Variants in LRRC4C observed in about 807,000 individuals in gnomAD.
LRRC4C encodes the protein leucine-rich repeat-containing protein 4C.
A neutral mutation model predicts 33.6 loss-of-function variants in LRRC4C; 5 were observed. The observed-to-expected ratio is 0.15, with a 90% CI of 0.08 to 0.31. The LOEUF (loss-of-function observed/expected upper bound fraction) is 0.31, where lower values mean the gene tolerates loss of function less well. LRRC4C is among the 10% of genes least tolerant of loss of function. LRRC4C has a pLI of 1.00. For missense variants in LRRC4C, 560 were observed against 796.7 expected, an observed-to-expected ratio of 0.70 and a Z score of 3.58; for synonymous variants, 329 against 302.0, an observed-to-expected ratio of 1.09 and a Z score of -0.93.
chr11:41,311,427 C>T (rs1024013262), intron 1 of LRRC4C, among the ~76,000 whole-genome samples: 1 of 151,988 alleles, frequency 6.6e-6, no homozygotes, highest in Non-Finnish European at 1.5e-5. Flanking sequence ...AAAAAATGAA[C>T]ACAGTTTTAT....
intron 3 of LRRC4C, among the ~76,000 whole-genome samples, chr11:40,543,349 C>G (rs896268614): frequency 6.6e-6 from 1 of 152,030 alleles, no homozygotes; most frequent in Non-Finnish European, 1.5e-5. Context: ...TTTATAGTGC[C>G]TTCTGTTTCA....
At chr11:40,885,452 G>A (rs1439366867) in intron 2 of LRRC4C, among the ~76,000 whole-genome samples, 1 of 151,988 alleles carries the variant, frequency 6.6e-6, no homozygotes, top group Non-Finnish European at 1.5e-5. Context: ...TAGCATCAAA[G>A]GTCAAGGACC....
At chr11:40,471,336 G>A (rs1280831191) in intron 3 of LRRC4C, among the ~76,000 whole-genome samples, 2 of 152,250 alleles carry the variant, frequency 1.3e-5, no homozygotes, top group East Asian at 3.9e-4. Context: ...AGAAAATGCT[G>A]AGGGATTTTT....
At chr11:40,148,525 GTTAT>G (rs1200381394) in intron 5 of LRRC4C, among the ~76,000 whole-genome samples, 3 of 151,978 alleles carry the variant, frequency 2.0e-5, no homozygotes, top group Admixed American at 6.6e-5. Flanking sequence ...TTTTAACGGA[GTTAT>G]TTGTTATTTT....
chr11:40,923,184 AC>A (rs1424478912), intron 2 of LRRC4C, among the ~76,000 whole-genome samples: 1 of 152,218 alleles, frequency 6.6e-6, no homozygotes, highest in African/African-American at 2.4e-5. Flanking sequence ...ATTTACTTAA[AC>A]AAAAGGTCAT....
At chr11:40,600,150 G>C (rs1407346669) in intron 3 of LRRC4C, among the ~76,000 whole-genome samples, 2 of 152,194 alleles carry the variant, frequency 1.3e-5, no homozygotes, top group Non-Finnish European at 2.9e-5. Flanking sequence ...AGGGTGACTA[G>C]AGGATTGGAC....
At chr11:41,100,594 T>A (rs550109787) in intron 1 of LRRC4C, among the ~76,000 whole-genome samples, 2 of 151,580 alleles carry the variant, frequency 1.3e-5, no homozygotes, top group African/African-American at 2.4e-5. Flanking sequence ...ATAATAACAA[T>A]AATAATAAAA....
chr11:41,388,089 C>T (rs1462064976), intron 1 of LRRC4C, among the ~76,000 whole-genome samples: 2 of 151,668 alleles, frequency 1.3e-5, no homozygotes, highest in African/African-American at 2.4e-5. Flanking sequence ...AATTGTATAA[C>T]ACATACATTA....
intron 5 of LRRC4C, among the ~76,000 whole-genome samples, chr11:40,178,220 A>G (rs1860679261): frequency 6.6e-6 from 1 of 152,210 alleles, no homozygotes; most frequent in African/African-American, 2.4e-5. Context: ...AGAGTCTGGA[A>G]AGGCATATCC....
At chr11:41,033,802 A>G (rs1006472363) in intron 1 of LRRC4C, among the ~76,000 whole-genome samples, 2 of 152,152 alleles carry the variant, frequency 1.3e-5, no homozygotes, top group African/African-American at 4.8e-5. Flanking sequence ...AAAAACATTG[A>G]AAGTATTTTA....
intron 1 of LRRC4C, among the ~76,000 whole-genome samples, chr11:41,326,898 A>T (rs1179668242): frequency 6.6e-6 from 1 of 152,260 alleles, no homozygotes; most frequent in African/African-American, 2.4e-5. Flanking sequence ...CTGGTAGGCA[A>T]TATAGAAATC....
intron 1 of LRRC4C, among the ~76,000 whole-genome samples, chr11:41,246,096 C>G (rs1229176833): frequency 2.0e-5 from 3 of 152,152 alleles, no homozygotes; most frequent in Non-Finnish European, 4.4e-5. Context: ...TGTCCCTTAC[C>G]CCCTGGAGCC....
intron 1 of LRRC4C, among the ~76,000 whole-genome samples, chr11:41,249,397 C>T (rs1948565242): frequency 6.6e-6 from 1 of 152,158 alleles, no homozygotes; most frequent in African/African-American, 2.4e-5. Flanking sequence ...CTTACTTTTA[C>T]CTAGGTATTA....
At chr11:40,459,199 A>G (rs1444236429) in intron 3 of LRRC4C, among the ~76,000 whole-genome samples, 2 of 152,178 alleles carry the variant, frequency 1.3e-5, no homozygotes, top group African/African-American at 4.8e-5. Flanking sequence ...CTCTTATTCA[A>G]TGTTTCAATA....
intron 1 of LRRC4C, among the ~76,000 whole-genome samples, chr11:41,385,553 A>G (rs1173807215): frequency 6.6e-6 from 1 of 151,724 alleles, no homozygotes; most frequent in Non-Finnish European, 1.5e-5. Flanking sequence ...TAGTAATTTG[A>G]TTATTTAAGA....
intron 2 of LRRC4C, among the ~76,000 whole-genome samples, chr11:40,886,377 A>G (rs960260657): frequency 6.7e-6 from 1 of 149,882 alleles, no homozygotes; most frequent in South Asian, 2.1e-4. Flanking sequence ...TAGAAGTGCT[A>G]CTGTAGTCCA....
At chr11:41,288,280 C>A (rs1022638588) in intron 1 of LRRC4C, among the ~76,000 whole-genome samples, 2 of 152,126 alleles carry the variant, frequency 1.3e-5, no homozygotes, top group African/African-American at 4.8e-5. Flanking sequence ...ATTTTCAAAC[C>A]ATTTGGTATG....
intron 2 of LRRC4C, among the ~76,000 whole-genome samples, chr11:40,711,381 A>G (rs183450211): frequency 1.3e-3 from 205 of 152,236 alleles, no homozygotes; most frequent in Middle Eastern, 0.01. Context: ...ATTTTGGTAT[A>G]CTCATACCCA....
At chr11:40,145,794 T>C (rs144108440) in intron 5 of LRRC4C, among the ~76,000 whole-genome samples, 6 of 152,342 alleles carry the variant, frequency 3.9e-5, no homozygotes, top group African/African-American at 9.6e-5. Context: ...TTTTTTTCTA[T>C]AGTGTTTGCT....
Sources: allele counts gnomAD v4.1 joint callset (sites outside exome capture counted in the v4.1 genomes callset), GRCh38; gene constraint gnomAD v4.1.1; transcripts MANE v1.5; gene names NCBI Gene and HGNC (gene_info 2026-07-23, HGNC 2026-07-21).